Variants in TRIM62 observed in about 807,000 individuals in gnomAD.
TRIM62 encodes tripartite motif containing 62.
A neutral mutation model predicts 44.2 loss-of-function variants in TRIM62; 39 were observed. The observed-to-expected ratio is 0.88, with a 90% confidence interval of 0.68 to 1.15. TRIM62 has a LOEUF of 1.15. Ranked by LOEUF, TRIM62 falls within the 50% of genes most tolerant of loss-of-function variation. The pLI, the probability that TRIM62 is intolerant of heterozygous loss-of-function variation, is 0.00. For synonymous variants in TRIM62, 278 were observed against 292.3 expected, an observed-to-expected ratio of 0.95 and a Z score of 0.50; for missense variants, 544 against 665.5, an observed-to-expected ratio of 0.82 and a Z score of 2.01.
intron 1 of TRIM62, among the ~76,000 whole-genome samples, chr1:33,174,866 A>G (rs1645401411): frequency 6.6e-6 from 1 of 150,912 alleles, no homozygotes; most frequent in Non-Finnish European, 1.5e-5. Flanking sequence ...CTCTGTAGCC[A>G]TGGCACAGAT....
In TRIM62 at chr1:33,145,542, G is replaced by A. The variant is rs1303359870; in HGVS notation, c.*1635C>T. 5.7e-6 allele frequency: 1 copy of A among 173,926 alleles called. No homozygotes were observed. Among genetic ancestry groups the A allele is most frequent in the Non-Finnish European group, 1.2e-5 (1 of 80,974 alleles). 10.8% of individuals were successfully genotyped at this position (173,926 alleles called of 1,614,324 possible). ...GGGCTGACAATTCCTTTTGCCCAAG[G>A]GAGGCCCGGGTGGCGGGGGCAGCCA... is the stretch of plus-strand genomic sequence containing the variant. On this transcript the variant is annotated 3_prime_UTR_variant, in exon 5 of 5. Transcript: ENST00000291416.
chr1:33,152,606 T>C (rs1030318044), intron 4 of TRIM62, among the ~76,000 whole-genome samples: 1 of 150,890 alleles, frequency 6.6e-6, no homozygotes, highest in African/African-American at 2.4e-5. Context: ...GGGGACCATC[T>C]GTCGATTCAT....
rs138349060 is a variant in TRIM62, at chr1:33,157,127, C to T, written c.877+1126G>A. Among the ~76,000 whole-genome samples the T allele has an allele frequency of 3.0e-4, 46 of 152,200 alleles. No individual in the cohort carries two copies. In the East Asian group the frequency reaches 6.4e-3, roughly 21 times the overall value. The stretch of plus-strand genomic sequence containing the variant: ...CATGGCTCCAAGCCCTCCACTGGCT[C>T]TCATCTCACTCAGCATAAAATCCAA... On this transcript the variant is annotated intron_variant, in intron 4 of 4. Transcript: ENST00000291416.
rs953634248 is a variant in TRIM62, at chr1:33,165,691, C to G, written c.409-125G>C. On this transcript the variant is annotated intron_variant, in intron 1 of 4. Transcript: ENST00000291416. This position sits in a 1 kb window ranked among gnomAD's most constrained non-coding sequence, Gnocchi z 4.0. Reference sequence around the variant, plus strand: ...TCCCCAACCTCCAACACTTGCCTCCCGTCACAGTTCAACCACCAGCAAGTC... The same window carrying G: ...TCCCCAACCTCCAACACTTGCCTCCGGTCACAGTTCAACCACCAGCAAGTC... 1.4e-6 allele frequency: 1 copy of G among 722,178 alleles called. No homozygotes were observed. The highest frequency in any genetic ancestry group is 3.2e-5 in the East Asian group (1 of 31,648). 44.7% of individuals were successfully genotyped at this position (722,178 alleles called of 1,614,324 possible). A position where few individuals can be genotyped will look rare whatever the true frequency, so the allele number is the denominator to read the frequency against.
chr1:33,148,180 G>A (rs531335152), intron 4 of TRIM62, among the ~76,000 whole-genome samples: 7 of 152,246 alleles, frequency 4.6e-5, no homozygotes, highest in East Asian at 3.9e-4. Context: ...TAAAGACCAC[G>A]AAATGGACAG....
chr1:33,165,431 A>G lies in TRIM62; in HGVS notation c.504+40T>C, dbSNP rs1030441963. On this transcript the variant is annotated intron_variant, in intron 2 of 4. Transcript: ENST00000291416. This position sits in a 1 kb window ranked among gnomAD's most constrained non-coding sequence, Gnocchi z 4.0. ...CCCCGCCCCTCGAAGCCCTGCCCTC[A>G]TCTCTGCCGGCCCCACCTCCGCGCC... is the stretch of plus-strand genomic sequence containing the variant. 2.0e-5 allele frequency: 30 copies of G among 1,520,092 alleles called. No individual in the cohort carries two copies. Among genetic ancestry groups the G allele is most frequent in the Non-Finnish European group, 2.4e-5 (27 of 1,126,558 alleles). 94.2% of individuals were successfully genotyped at this position (1,520,092 alleles called of 1,614,324 possible).
Position 33,159,045 on chromosome 1 carries a change from A to C in TRIM62, c.761+643T>G, listed in dbSNP as rs1484479186. ...TTTTTAGTAGAGACGGGGTTTCACC[A>C]TGTTAGTCAGGCTGGTCCTGAACTC... On this transcript the variant is annotated intron_variant, in intron 3 of 4. Transcript: ENST00000291416. The surrounding 1 kb of genome is among the most constrained non-coding windows in gnomAD (Gnocchi z 4.2). Among the ~76,000 whole-genome samples the C allele has an allele frequency of 4.6e-5, 7 of 151,710 alleles. No homozygotes were observed. The highest frequency in any genetic ancestry group is 4.6e-4 in the Admixed American group (7 of 15,214).
At position 33,167,863 on chromosome 1, in the gene TRIM62, T is replaced by C. The variant is rs1570326638; in HGVS notation, c.409-2297A>G. On this transcript the variant is annotated intron_variant, in intron 1 of 4. Coordinates refer to ENST00000291416, the MANE Select transcript of TRIM62 (RefSeq NM_018207.3). This position sits in a 1 kb window ranked among gnomAD's most constrained non-coding sequence, Gnocchi z 4.2. ...GAAACAAAATTATCTTTGATTACTA[T>C]CAATTATTCATTTAAAAAACATTTC... is the stretch of plus-strand genomic sequence containing the variant. Among the ~76,000 whole-genome samples the C allele has an allele frequency of 6.6e-6, 1 of 152,216 alleles. No individual in the cohort carries two copies. Among genetic ancestry groups the C allele is most frequent in the Non-Finnish European group, 1.5e-5 (1 of 68,046 alleles).
At position 33,165,705 on chromosome 1, in the gene TRIM62, C is replaced by G; in HGVS notation, c.409-139G>C. The G allele has an allele frequency of 1.6e-6, 1 of 623,218 alleles. No individual in the cohort carries two copies. The highest frequency in any genetic ancestry group is 2.6e-6 in the Non-Finnish European group (1 of 379,680). The allele number at this position is 623,218 out of a possible 1,614,324, so 38.6% of individuals were successfully genotyped here. On this transcript the variant is annotated intron_variant, in intron 1 of 4. Coordinates refer to ENST00000291416, the MANE Select transcript of TRIM62 (RefSeq NM_018207.3). This position sits in a 1 kb window ranked among gnomAD's most constrained non-coding sequence, Gnocchi z 4.0. ...CACTTGCCTCCCGTCACAGTTCAAC[C>G]ACCAGCAAGTCCTGTAGAGTCTGTC...
At chr1:33,150,978 G>A (rs907682805) in intron 4 of TRIM62, among the ~76,000 whole-genome samples, 4 of 152,162 alleles carry the variant, frequency 2.6e-5, no homozygotes, top group Non-Finnish European at 4.4e-5. Flanking sequence ...ACCAGCAACA[G>A]GCAGCAACCG....
chr1:33,165,685 G>A lies in TRIM62; in HGVS notation c.409-119C>T. ...TCTCTGTCCCCAACCTCCAACACTTGCCTCCCGTCACAGTTCAACCACCAG... is the reference window on the plus strand; with the variant it reads ...TCTCTGTCCCCAACCTCCAACACTTACCTCCCGTCACAGTTCAACCACCAG... On this transcript the variant is annotated intron_variant, in intron 1 of 4. Coordinates refer to ENST00000291416, the MANE Select transcript of TRIM62 (RefSeq NM_018207.3). This position sits in a 1 kb window ranked among gnomAD's most constrained non-coding sequence, Gnocchi z 4.0. 1 of 775,564 alleles carries A rather than the reference G, an allele frequency of 1.3e-6. No homozygotes were observed. Among genetic ancestry groups the A allele is most frequent in the East Asian group, 3.2e-5 (1 of 31,614 alleles). 48.0% of individuals were successfully genotyped at this position (775,564 alleles called of 1,614,324 possible). A position where few individuals can be genotyped will look rare whatever the true frequency, so the allele number is the denominator to read the frequency against.
At chr1:33,175,049 A>ATATGTATATGTG in intron 1 of TRIM62, among the ~76,000 whole-genome samples, 1 of 150,820 alleles carries the variant, frequency 6.6e-6, no homozygotes, top group Non-Finnish European at 1.5e-5. Context: ...ATGTATATGT[A>ATATGTATATGTG]TTTTTTTTAA....
intron 1 of TRIM62, among the ~76,000 whole-genome samples, chr1:33,180,795 T>C (rs1557764925): frequency 6.6e-6 from 1 of 151,256 alleles, no homozygotes; most frequent in East Asian, 1.9e-4. Flanking sequence ...CTGTCTCAGA[T>C]CCCTCAGGGT....
intron 1 of TRIM62, among the ~76,000 whole-genome samples, chr1:33,179,121 T>A (rs934891639): frequency 1.3e-5 from 2 of 152,192 alleles, no homozygotes; most frequent in Admixed American, 1.3e-4. Context: ...GGACAGATGG[T>A]TTCAGACAGA....
At chr1:33,168,372 GCTGT>G (rs1257234634) in intron 1 of TRIM62, among the ~76,000 whole-genome samples, 1 of 141,852 alleles carries the variant, frequency 7.0e-6, no homozygotes, top group Non-Finnish European at 1.5e-5. Flanking sequence ...TAGGAAGCTG[GCTGT>G]CTGAGAAAAA....
chr1:33,162,999 C>T (rs575056661), intron 2 of TRIM62: 7 of 152,062 alleles, frequency 4.6e-5, no homozygotes, highest in South Asian at 2.1e-4. Context: ...CTACCTGGGA[C>T]GATTTTTTTT....
rs774791293 is a variant in TRIM62 at position 33,181,390 on chromosome 1, G to A, written c.43C>T (p.Leu15=). The A allele has an allele frequency of 4.4e-6, 7 of 1,603,002 alleles. No individual in the cohort carries two copies. The South Asian group carries it at 5.6e-5, about 13-fold the overall frequency. The change falls in exon 1 of 5, where the codon CTG becomes TTG. Residue 15 remains leucine (L), a synonymous_variant. Transcript: ENST00000291416. This position sits in a 1 kb window ranked among gnomAD's most constrained non-coding sequence, Gnocchi z 6.5. The part of the protein sequence containing the change: ...LKDELLCSIC[L]SIYQDPVSLG... ...CTCACCGGGTCCTGGTAGATGCTCA[G>A]GCAGATGGAGCACAGCAGCTCGTCC...
At position 33,159,854 on chromosome 1, in the gene TRIM62, C is replaced by G. The variant is rs747543607; in HGVS notation, c.595G>C (p.Glu199Gln). Residue 199 changes from glutamate to glutamine, a missense_variant, in exon 3 of 5, where the codon GAG becomes CAG. Physicochemically the swap from Glu to Gln is conservative, Grantham distance 29. Coordinates refer to ENST00000291416, the MANE Select transcript of TRIM62 (RefSeq NM_018207.3). This position sits in a 1 kb window ranked among gnomAD's most constrained non-coding sequence, Gnocchi z 4.2. ...LRERQKAMLE[E>Q]LEADTARTLT... The stretch of plus-strand genomic sequence containing the variant: ...GTGCGGGCCGTGTCCGCCTCCAGCT[C>G]CTCTAGCATGGCCTTCTGGCGTTCA... 10 of 1,613,440 alleles carry G rather than the reference C, an allele frequency of 6.2e-6. No homozygotes were observed. The highest frequency in any genetic ancestry group is 5.1e-6 in the Non-Finnish European group (6 of 1,180,014).
chr1:33,163,334 T>G (rs1645294457), intron 2 of TRIM62: 1 of 151,672 alleles, frequency 6.6e-6, no homozygotes, highest in South Asian at 2.1e-4. Flanking sequence ...CCACTGTGCC[T>G]GGCCGATTTT....
Sources: allele counts gnomAD v4.1 joint callset (sites outside exome capture counted in the v4.1 genomes callset), GRCh38; gene constraint gnomAD v4.1.1; non-coding constraint Gnocchi (gnomAD v3.1); transcripts MANE v1.5; gene names NCBI Gene and HGNC (gene_info 2026-07-23, HGNC 2026-07-21).